NKAIN3: variants seen among roughly 807,000 people sequenced by gnomAD.
The protein encoded by NKAIN3 is sodium/potassium transporting ATPase interacting 3, also known as sodium/potassium-transporting ATPase subunit beta-1-interacting protein 3.
Under a neutral mutation model 30.2 loss-of-function variants are expected in NKAIN3, and 25 were observed. The ratio of observed to expected loss-of-function variants is 0.83; its 90% CI spans 0.60 to 1.16. NKAIN3 has a LOEUF of 1.16. Ranked by LOEUF, NKAIN3 falls within the 50% of genes most tolerant of loss-of-function variation. The pLI, the probability that NKAIN3 is intolerant of heterozygous loss-of-function variation, is 0.00. For synonymous variants in NKAIN3, 91 were observed against 89.6 expected (o/e 1.02, Z -0.09); for missense variants, 225 against 254.1 (o/e 0.89, Z 0.78).
chr8:62,493,162 G>A (rs1387349750), intron 1 of NKAIN3, among the ~76,000 whole-genome samples: 2 of 152,000 alleles, frequency 1.3e-5, no homozygotes, highest in African/African-American at 4.8e-5. Flanking sequence ...TTATCTTCCA[G>A]GGTTTTTATA....
chr8:62,386,778 T>C (rs1817436026), intron 1 of NKAIN3, among the ~76,000 whole-genome samples: 2 of 152,130 alleles, frequency 1.3e-5, no homozygotes, highest in Non-Finnish European at 1.5e-5. Flanking sequence ...TCTATGGCCA[T>C]GAGCAAGTTA....
chr8:62,437,054 A>G (rs1336963049), intron 1 of NKAIN3, among the ~76,000 whole-genome samples: 2 of 152,200 alleles, frequency 1.3e-5, no homozygotes, highest in African/African-American at 4.8e-5. Flanking sequence ...TGAGGTTAAA[A>G]TATAGACGAA....
At chr8:62,942,111 C>A (rs959493435) in intron 5 of NKAIN3, among the ~76,000 whole-genome samples, 7 of 151,334 alleles carry the variant, frequency 4.6e-5, no homozygotes, top group Admixed American at 4.0e-4. Context: ...CAGTGCTGTA[C>A]ACCAACAGCA....
intron 1 of NKAIN3, among the ~76,000 whole-genome samples, chr8:62,266,758 C>A (rs553867930): frequency 1.3e-5 from 2 of 152,238 alleles, no homozygotes; most frequent in South Asian, 4.1e-4. Context: ...TGGCAACACC[C>A]GGAAGTTACT....
At chr8:62,956,506 C>A (rs1048568687) in intron 6 of NKAIN3, among the ~76,000 whole-genome samples, 1 of 152,146 alleles carries the variant, frequency 6.6e-6, no homozygotes, top group Non-Finnish European at 1.5e-5. Context: ...TTGAGTGTGT[C>A]ACTGCTCATA....
At chr8:62,531,365 AAACT>A (rs1186354944) in intron 1 of NKAIN3, among the ~76,000 whole-genome samples, 10 of 152,330 alleles carry the variant, frequency 6.6e-5, no homozygotes, top group Admixed American at 2.0e-4. Flanking sequence ...TCATAGGTTG[AAACT>A]AACTTACTTA....
intron 4 of NKAIN3, among the ~76,000 whole-genome samples, chr8:62,791,893 T>G (rs1415351677): frequency 6.6e-6 from 1 of 152,154 alleles, no homozygotes; most frequent in Non-Finnish European, 1.5e-5. Flanking sequence ...CTTTCTTGGC[T>G]TTATTGAGGT....
At chr8:62,326,919 C>T (rs1021929452) in intron 1 of NKAIN3, among the ~76,000 whole-genome samples, 3 of 151,944 alleles carry the variant, frequency 2.0e-5, no homozygotes, top group Non-Finnish European at 2.9e-5. Context: ...ACGTTGCCGC[C>T]GACAGGGAAT....
At chr8:62,992,034 T>C (rs1291866927) in intron 5 of NKAIN3, among the ~76,000 whole-genome samples, 12 of 151,670 alleles carry the variant, frequency 7.9e-5, no homozygotes, top group African/African-American at 2.9e-4. Context: ...TTTTTTTTTC[T>C]TTTAGACAGA....
intron 1 of NKAIN3, among the ~76,000 whole-genome samples, chr8:62,428,402 T>C (rs2129597280): frequency 6.6e-6 from 1 of 152,100 alleles, no homozygotes; most frequent in Non-Finnish European, 1.5e-5. Context: ...ACTTTTAGTT[T>C]TTTGAAAAAC....
intron 1 of NKAIN3, among the ~76,000 whole-genome samples, chr8:62,253,318 G>A (rs1337174506): frequency 6.6e-6 from 1 of 152,196 alleles, no homozygotes; most frequent in Non-Finnish European, 1.5e-5. Flanking sequence ...GCTTATGCCT[G>A]TAATCCTAGC....
intron 1 of NKAIN3, among the ~76,000 whole-genome samples, chr8:62,484,562 G>A (rs998897114): frequency 6.6e-6 from 1 of 152,158 alleles, no homozygotes; most frequent in African/African-American, 2.4e-5. Flanking sequence ...AATTTTCTGA[G>A]TTCATATCTC....
intron 4 of NKAIN3, among the ~76,000 whole-genome samples, chr8:62,872,963 C>T (rs1193097543): frequency 6.6e-6 from 1 of 152,096 alleles, no homozygotes; most frequent in Non-Finnish European, 1.5e-5. Flanking sequence ...AACTCATGTA[C>T]AAAATAACTA....
chr8:62,891,374 T>C (rs1232135164), intron 4 of NKAIN3, among the ~76,000 whole-genome samples: 2 of 152,246 alleles, frequency 1.3e-5, no homozygotes, highest in South Asian at 2.1e-4. Context: ...AGGGACACTC[T>C]GGCCTTTGGC....
intron 1 of NKAIN3, among the ~76,000 whole-genome samples, chr8:62,372,813 G>A (rs1036116686): frequency 3.3e-5 from 5 of 151,984 alleles, no homozygotes; most frequent in Non-Finnish European, 1.5e-5. Flanking sequence ...CTTTTTATAA[G>A]AGTCTCTATC....
At chr8:62,558,406 C>T (rs1200134776) in intron 1 of NKAIN3, among the ~76,000 whole-genome samples, 1 of 151,888 alleles carries the variant, frequency 6.6e-6, no homozygotes, top group Non-Finnish European at 1.5e-5. Flanking sequence ...TTTTTGGTTC[C>T]ATATGAATTT....
chr8:62,748,411 C>A (rs1437299106), intron 4 of NKAIN3, among the ~76,000 whole-genome samples: 1 of 152,146 alleles, frequency 6.6e-6, no homozygotes, highest in Non-Finnish European at 1.5e-5. Context: ...GAAGTCAACA[C>A]GCAAGCATTT....
chr8:62,665,170 GT>G (rs764659149), intron 3 of NKAIN3, among the ~76,000 whole-genome samples: 116 of 152,084 alleles, frequency 7.6e-4, no homozygotes, highest in Non-Finnish European at 1.2e-3. Context: ...CACATAATAG[GT>G]TTAAGAAACA....
chr8:62,415,948 G>A (rs2129596330), intron 1 of NKAIN3, among the ~76,000 whole-genome samples: 1 of 151,894 alleles, frequency 6.6e-6, no homozygotes, highest in East Asian at 1.9e-4. Flanking sequence ...TAGTAGAGAT[G>A]GGGTTTCACC....
Sources: gnomAD v4.1 joint callset for allele counts (sites outside exome capture counted in the v4.1 genomes callset) on GRCh38, gnomAD v4.1.1 for gene constraint, MANE v1.5 for transcripts, NCBI Gene and HGNC (gene_info 2026-07-23, HGNC 2026-07-21) for gene names.